The following DENND4C variants were observed in gnomAD, a reference collection of about 807,000 sequenced individuals.
The protein encoded by DENND4C is DENN domain containing 4C.
Under a neutral mutation model 203.0 loss-of-function variants are expected in DENND4C, and 108 were observed. The ratio of observed to expected loss-of-function variants is 0.53; its 90% confidence interval spans 0.46 to 0.62. DENND4C has a LOEUF of 0.62. Among genes scored for constraint, DENND4C ranks in the 20% least tolerant of loss-of-function variants. The pLI, the probability that DENND4C is intolerant of heterozygous loss-of-function variation, is 0.00. For synonymous variants in DENND4C, 871 were observed against 792.4 expected (o/e 1.10, Z -1.67); for missense variants, 2,481 against 2,301.2 (o/e 1.08, Z -1.60).
At chr9:19,246,933 A>G (rs530576201) in intron 1 of DENND4C, among the ~76,000 whole-genome samples, 3 of 152,302 alleles carry the variant, frequency 2.0e-5, no homozygotes, top group East Asian at 1.9e-4. Context: ...GTCAGAAAGA[A>G]TTGCTCATTC....
chr9:19,370,179 T>G (rs539784415), intron 31 of DENND4C, 192 bp downstream of exon 31: 3 of 668,132 alleles, frequency 4.5e-6, no homozygotes, highest in Admixed American at 5.6e-5. Flanking sequence ...GTCTGGGGGC[T>G]TGGCACGGTG....
intron 3 of DENND4C, 32 bp downstream of exon 3, chr9:19,287,053 A>G (rs761689767): frequency 7.7e-5 from 95 of 1,231,576 alleles, no homozygotes; most frequent in Non-Finnish European, 8.5e-5. Flanking sequence ...TCAAAGTTTC[A>G]TATGAAACCA....
At chr9:19,316,577 A>C (rs367630496) in intron 11 of DENND4C, 44 bp from the exon 12 acceptor site, 20 of 1,603,038 alleles carry the variant, frequency 1.2e-5, no homozygotes, top group Non-Finnish European at 1.7e-5. Context: ...AATTCTTCTT[A>C]AATTTAACAT....
chr9:19,237,042 C>T (rs1326819297), intron 1 of DENND4C, among the ~76,000 whole-genome samples: 4 of 151,738 alleles, frequency 2.6e-5, no homozygotes, highest in East Asian at 1.9e-4. Flanking sequence ...TTTTTGGAGA[C>T]GGAGTTTTGC....
At chr9:19,284,584 T>G (rs1834815663) in intron 2 of DENND4C, among the ~76,000 whole-genome samples, 1 of 152,176 alleles carries the variant, frequency 6.6e-6, no homozygotes, top group African/African-American at 2.4e-5. Context: ...TATATGTGTT[T>G]TTTTAATCCA....
intron 1 of DENND4C, among the ~76,000 whole-genome samples, chr9:19,235,549 A>T (rs1040627718): frequency 6.7e-6 from 1 of 150,252 alleles, no homozygotes; most frequent in Admixed American, 6.7e-5. Flanking sequence ...TCTTTGTTTC[A>T]TTCAAACCTA....
intron 10 of DENND4C, among the ~76,000 whole-genome samples, chr9:19,307,834 C>G (rs906916614): frequency 1.3e-5 from 2 of 151,652 alleles, no homozygotes; most frequent in Admixed American, 6.6e-5. Context: ...CCTCCACAAC[C>G]ATATTTTGCT....
At chr9:19,263,698 A>T (rs60795208) in intron 1 of DENND4C, among the ~76,000 whole-genome samples, 7,683 of 149,802 alleles carry the variant, frequency 0.051, 333 homozygotes, top group African/African-American at 0.12. Flanking sequence ...CTTGTCACCC[A>T]GGCTGAAGTG....
At chr9:19,366,109 G>C (rs916507605) in intron 30 of DENND4C, among the ~76,000 whole-genome samples, 3 of 152,106 alleles carry the variant, frequency 2.0e-5, no homozygotes, top group African/African-American at 4.8e-5. Context: ...TTAGAATCAC[G>C]AAAACAATCT....
chr9:19,338,773 A>C (rs754191042), intron 20 of DENND4C, among the ~76,000 whole-genome samples: 5 of 152,216 alleles, frequency 3.3e-5, no homozygotes, highest in Non-Finnish European at 7.3e-5. Flanking sequence ...CTAGTAAAAA[A>C]GTGACTGAAG....
intron 1 of DENND4C, among the ~76,000 whole-genome samples, chr9:19,250,971 A>C (rs1826422019): frequency 6.6e-6 from 1 of 152,146 alleles, no homozygotes. Flanking sequence ...AGGATCTACT[A>C]TTCTGGGGTA....
chr9:19,277,494 G>C (rs1386476079), intron 2 of DENND4C, among the ~76,000 whole-genome samples: 33 of 152,082 alleles, frequency 2.2e-4, no homozygotes, highest in Admixed American at 2.2e-3. Context: ...AGAAATAGCT[G>C]ATTTTTGTGT....
At chr9:19,260,901 G>A (rs78180450) in intron 1 of DENND4C, among the ~76,000 whole-genome samples, 1 of 152,208 alleles carries the variant, frequency 6.6e-6, no homozygotes, top group South Asian at 2.1e-4. Flanking sequence ...GACAGAGTGA[G>A]ACCCTGTCTC....
At chr9:19,267,198 A>C (rs1830681466) in intron 1 of DENND4C, among the ~76,000 whole-genome samples, 1 of 152,176 alleles carries the variant, frequency 6.6e-6, no homozygotes, top group South Asian at 2.1e-4. Context: ...CCAGTGCTGA[A>C]AGTGGGATGT....
rs1039064257 is a variant in DENND4C at position 19,336,328 on chromosome 9, A to T, written c.2648A>T (p.Lys883Met). Residue 883 changes from lysine to methionine, a missense_variant, in exon 19 of 33, where the codon AAG becomes ATG. Lys to Met is a moderately conservative substitution (Grantham distance 95). Transcript: ENST00000434457. ...CGCAGTGGTATTTTCTTATGGACGA[A>T]GGTACGGAATGTGGTACGTGGCTTG... ...STRSGIFLWT[K>M]VRNVVRGLAQ... The T allele has an allele frequency of 3.7e-6, 6 of 1,614,074 alleles. No homozygotes were observed. The highest frequency in any genetic ancestry group is 5.1e-6 in the Non-Finnish European group (6 of 1,179,980).
At chr9:19,352,347 G>C in intron 25 of DENND4C, 143 bp from the exon 26 acceptor site, 1 of 1,007,026 alleles carries the variant, frequency 9.9e-7, no homozygotes, top group Non-Finnish European at 1.4e-6. Context: ...TGAACTGGTA[G>C]TTTACCTGTG....
intron 12 of DENND4C, among the ~76,000 whole-genome samples, chr9:19,321,046 G>T (rs1162208572): frequency 6.6e-6 from 1 of 152,202 alleles, no homozygotes; most frequent in Non-Finnish European, 1.5e-5. Context: ...TAGGATTAGT[G>T]CTGGTTTCAG....
At chr9:19,325,811 C>G in intron 13 of DENND4C, 128 bp from the exon 14 acceptor site, 1 of 824,238 alleles carries the variant, frequency 1.2e-6, no homozygotes, top group Non-Finnish European at 1.9e-6. Context: ...TAAAAATATA[C>G]TGTGCATGTT....
At chr9:19,311,886 G>T (rs957799018) in intron 10 of DENND4C, among the ~76,000 whole-genome samples, 1 of 152,168 alleles carries the variant, frequency 6.6e-6, no homozygotes, top group African/African-American at 2.4e-5. Context: ...GGCAACATTT[G>T]TCAAAATTAC....
Sources: gnomAD v4.1 joint callset for allele counts (sites outside exome capture counted in the v4.1 genomes callset) on GRCh38, gnomAD v4.1.1 for gene constraint, MANE v1.5 for transcripts, NCBI Gene and HGNC (gene_info 2026-07-23, HGNC 2026-07-21) for gene names.